The following CSNK1E variants were observed in gnomAD, a reference collection of about 807,000 sequenced individuals.
The protein encoded by CSNK1E is casein kinase 1 epsilon, also known as casein kinase I isoform epsilon.
In CSNK1E, 17 loss-of-function variants were observed where a neutral mutation model predicts 46.1. The ratio of observed to expected loss-of-function variants is 0.37; its 90% CI spans 0.25 to 0.55. The LOEUF (loss-of-function observed/expected upper bound fraction) is 0.55. Ranked by LOEUF, CSNK1E falls within the 20% of genes least tolerant of loss-of-function variation. The pLI is 0.82. For synonymous variants in CSNK1E, 241 were observed against 242.6 expected (o/e 0.99, Z 0.06); for missense variants, 386 against 595.4 (o/e 0.65, Z 3.66).
In CSNK1E at chr22:38,303,052, GCAGC is replaced by G. The variant is rs2092681554; in HGVS notation, c.188-47_188-44del. On this transcript the variant is annotated intron_variant, in intron 3 of 10. Transcript: ENST00000396832. The surrounding 1 kb of genome is among the most constrained non-coding windows in gnomAD (Gnocchi z 4.7). Reference sequence around the variant, plus strand: ...GGCCTCTGTCAGGGGTCAGAGGCAGGCAGCCAGCCACGCCCGGCCCACCCTGTGC... The same window carrying G: ...GGCCTCTGTCAGGGGTCAGAGGCAGGCAGCCACGCCCGGCCCACCCTGTGC... 8.1e-6 allele frequency: 7 copies of G among 862,492 alleles called. No individual in the cohort carries two copies. The highest frequency in any genetic ancestry group is 1.5e-5 in the South Asian group (1 of 64,856). 53.4% of individuals were successfully genotyped at this position (862,492 alleles called of 1,614,324 possible). A position where few individuals can be genotyped will look rare whatever the true frequency, so the allele number is the denominator to read the frequency against.
intron 4 of CSNK1E, among the ~76,000 whole-genome samples, chr22:38,301,754 A>G (rs1262221929): frequency 1.3e-5 from 2 of 152,082 alleles, no homozygotes; most frequent in Non-Finnish European, 2.9e-5. Flanking sequence ...ACTCAAACTA[A>G]TATCCATCCA....
In CSNK1E at chr22:38,294,538, C is replaced by G. The variant is rs1161386312; in HGVS notation, c.886-4G>C. On this transcript the variant is annotated splice_polypyrimidine_tract_variant and splice_region_variant and intron_variant, in intron 7 of 10. Transcript: ENST00000396832. The surrounding 1 kb of genome is among the most constrained non-coding windows in gnomAD (Gnocchi z 5.5). ...CCTCGGGATTCCGGGCTGCACCCTG[C>G]AGGGATGCAAGAAAAGACACCAGTC... 1.3e-6 allele frequency: 2 copies of G among 1,578,058 alleles called. No homozygotes were observed. The highest frequency in any genetic ancestry group is 3.7e-5 in the Admixed American group (2 of 54,736).
chr22:38,298,117 C>A lies in CSNK1E; in HGVS notation c.885+669G>T. On this transcript the variant is annotated intron_variant, in intron 7 of 10. Transcript: ENST00000396832. The surrounding 1 kb of genome is among the most constrained non-coding windows in gnomAD (Gnocchi z 4.2). ...ACCAGTACGTGGGTGAGTACGTGGG[C>A]CCAGCACAGGGACAGGGGCGGGGAC... 1 of 1,280,182 alleles carries A rather than the reference C, an allele frequency of 7.8e-7. No individual in the cohort carries two copies. Among genetic ancestry groups the A allele is most frequent in the Non-Finnish European group, 1.0e-6 (1 of 976,848 alleles). 79.3% of individuals were successfully genotyped at this position (1,280,182 alleles called of 1,614,324 possible). A position where few individuals can be genotyped will look rare whatever the true frequency, so the allele number is the denominator to read the frequency against.
intron 9 of CSNK1E, among the ~76,000 whole-genome samples, chr22:38,293,580 TTC>T (rs2092623321): frequency 6.6e-6 from 1 of 151,412 alleles, no homozygotes; most frequent in Non-Finnish European, 1.5e-5. Flanking sequence ...CCAATGAGGG[TTC>T]TCTCGCAGGA....
chr22:38,296,647 C>G (rs774642130), intron 7 of CSNK1E: 1 of 1,612,846 alleles, frequency 6.2e-7, no homozygotes, highest in Non-Finnish European at 8.5e-7. Context: ...TCCAGGAAGG[C>G]GGTCAGACCA....
chr22:38,302,662 G>C (rs1405660584), intron 4 of CSNK1E, among the ~76,000 whole-genome samples, 199 bp downstream of exon 4: 2 of 152,220 alleles, frequency 1.3e-5, no homozygotes, highest in African/African-American at 4.8e-5. Flanking sequence ...AACGAGCTGA[G>C]ATCGCACCAC....
At chr22:38,316,672 C>G (rs1426996939) in intron 1 of CSNK1E, 1 of 152,252 alleles carries the variant, frequency 6.6e-6, no homozygotes, top group Non-Finnish European at 1.5e-5. Flanking sequence ...CACCTTAGGA[C>G]CCCCAAACGC....
At chr22:38,311,769 C>T (rs1412028322) in intron 2 of CSNK1E, among the ~76,000 whole-genome samples, 2 of 151,880 alleles carry the variant, frequency 1.3e-5, no homozygotes, top group Non-Finnish European at 2.9e-5. Context: ...GGGATCTGAA[C>T]CTGGACTGGC....
In CSNK1E at chr22:38,294,438, G is replaced by A; in HGVS notation, c.982C>T (p.Leu328=). The A allele has an allele frequency of 6.4e-7, 1 of 1,569,028 alleles. No homozygotes were observed. Among genetic ancestry groups the A allele is most frequent in the African/African-American group, 1.4e-5 (1 of 73,712 alleles). ...GCCCCCGTGGGTGGGCCAGGGGGCA[G>A]GGCTCGGGTCGCGGACCCCCGTAGC... The part of the protein sequence containing the change: ...GQLRGSATRA[L]PPGPPTGATA... The change falls in exon 8 of 11, where the codon CTG becomes TTG. Residue 328 remains leucine (L), a synonymous_variant. Transcript: ENST00000396832. The surrounding 1 kb of genome is among the most constrained non-coding windows in gnomAD (Gnocchi z 5.5).
At chr22:38,296,690 G>C in intron 7 of CSNK1E, 5 of 1,611,340 alleles carry the variant, frequency 3.1e-6, no homozygotes, top group Non-Finnish European at 4.2e-6. Context: ...TCCTGGCCTG[G>C]TTGGAAAAGA....
intron 7 of CSNK1E, chr22:38,295,363 G>T: frequency 1.0e-6 from 1 of 967,224 alleles, no homozygotes; most frequent in Non-Finnish European, 1.2e-6. Context: ...GAGCATATGT[G>T]GGGGCAGCGC....
chr22:38,296,377 C>A (rs1045855334), intron 7 of CSNK1E: 1 of 1,397,240 alleles, frequency 7.2e-7, no homozygotes, highest in Non-Finnish European at 9.3e-7. Flanking sequence ...GGCTTCCAGG[C>A]CCCAGGGATC....
rs2092625573 is a variant in CSNK1E at position 38,293,969 on chromosome 22, T to A, written c.1218+140A>T. 5 of 1,018,858 alleles carry A rather than the reference T, an allele frequency of 4.9e-6. No homozygotes were observed. The East Asian group carries it at 1.3e-4, about 27-fold the overall frequency. 63.1% of individuals were successfully genotyped at this position (1,018,858 alleles called of 1,614,324 possible). ...CCTCAGAGGATTAAATGAGGCCAAG[T>A]CCTGGCTCTACAGAAGGGGTTCACT... On this transcript the variant is annotated intron_variant, in intron 9 of 10. Coordinates refer to ENST00000396832, the MANE Select transcript of CSNK1E (RefSeq NM_152221.3).
chr22:38,303,287 CA>C lies in CSNK1E; in HGVS notation c.77-40del. On this transcript the variant is annotated intron_variant, in intron 2 of 10. Transcript: ENST00000396832. This position sits in a 1 kb window ranked among gnomAD's most constrained non-coding sequence, Gnocchi z 4.7. ...GGAGGCAAGGGACCAGGGTCACCCT[CA>C]AAGGCCAGGCAGTCCCAGGCGCCCC... The C allele has an allele frequency of 6.5e-7, 1 of 1,539,416 alleles. No homozygotes were observed.
chr22:38,293,843 G>A, intron 9 of CSNK1E: 1 of 515,908 alleles, frequency 1.9e-6, no homozygotes, highest in Non-Finnish European at 3.4e-6. Context: ...ACCCTGGCTG[G>A]GCCCCTGGCA....
At chr22:38,296,988 G>T (rs1439923908) in intron 7 of CSNK1E, 4 of 641,300 alleles carry the variant, frequency 6.2e-6, no homozygotes, top group African/African-American at 5.4e-5. Context: ...TGGCCAGGCT[G>T]GTCTTAAACT....
In CSNK1E at chr22:38,293,340, G is replaced by C. The variant is rs1223957156; in HGVS notation, c.1219-21C>G. 5.3e-6 allele frequency: 8 copies of C among 1,518,846 alleles called. No individual in the cohort carries two copies. The Admixed American group carries it at 1.3e-4, about 26-fold the overall frequency. The allele number at this position is 1,518,846 out of a possible 1,614,324, so 94.1% of individuals were successfully genotyped here. On this transcript the variant is annotated intron_variant, in intron 9 of 10. Coordinates refer to ENST00000396832, the MANE Select transcript of CSNK1E (RefSeq NM_152221.3). ...CTTGTCTTTTGAGGGTGGGGAGGGA[G>C]AGAGGGGGAGGGAGAGAGAGGGAGG...
At chr22:38,297,016 C>A (rs981691014) in intron 7 of CSNK1E, 3 of 692,510 alleles carry the variant, frequency 4.3e-6, no homozygotes, top group Non-Finnish European at 8.0e-6. Flanking sequence ...TCAAGTCATC[C>A]GCCCTCTATG....
chr22:38,315,503 G>A (rs1403958906), intron 1 of CSNK1E, among the ~76,000 whole-genome samples: 2 of 152,296 alleles, frequency 1.3e-5, no homozygotes, highest in African/African-American at 4.8e-5. Context: ...CGCTGCCAGG[G>A]GAACACAGTC....
Sources: allele counts gnomAD v4.1 joint callset (sites outside exome capture counted in the v4.1 genomes callset), GRCh38; gene constraint gnomAD v4.1.1; non-coding constraint Gnocchi (gnomAD v3.1); transcripts MANE v1.5; gene names NCBI Gene and HGNC (gene_info 2026-07-23, HGNC 2026-07-21).